Variants in ARHGEF4 observed in about 807,000 individuals in gnomAD.
The protein encoded by ARHGEF4 is APC-stimulated guanine nucleotide exchange factor 1.
ARHGEF4 carries 119 observed loss-of-function variants against 162.0 expected under a neutral mutation model. The ratio of observed to expected loss-of-function variants is 0.73; its 90% CI spans 0.63 to 0.86. The LOEUF (loss-of-function observed/expected upper bound fraction) is 0.86, where lower values mean the gene tolerates loss of function less well. Among genes scored for constraint, ARHGEF4 ranks in the 40% least tolerant of loss-of-function variants. ARHGEF4 has a pLI of 0.00. For synonymous variants in ARHGEF4, 1,014 were observed against 979.9 expected, an observed-to-expected ratio of 1.03 and a Z score of -0.65; for missense variants, 2,488 against 2,456.0, an observed-to-expected ratio of 1.01 and a Z score of -0.28.
At chr2:130,955,991 C>T (rs1684246042) in intron 4 of ARHGEF4, among the ~76,000 whole-genome samples, 1 of 152,200 alleles carries the variant, frequency 6.6e-6, no homozygotes, top group Non-Finnish European at 1.5e-5. Flanking sequence ...ACCTGCTTCC[C>T]CCAGGCAAAA....
Position 131,008,091 on chromosome 2 carries a change from G to A in ARHGEF4, c.3986-19854G>A, listed in dbSNP as rs192272456. Among the ~76,000 whole-genome samples, 232 of 152,146 alleles carry A rather than the reference G, an allele frequency of 1.5e-3. 1 individual carries two copies. The highest frequency in any genetic ancestry group is 5.1e-3 in the African/African-American group (213 of 41,524). On this transcript the variant is annotated intron_variant, in intron 4 of 13. Transcript: ENST00000409359. ...GGCTCCCAAAGTGTCAAGATTACAC[G>A]CATGAGCCACCACACCTGGCCCCTA...
At chr2:130,917,617 CCGTTACA>C in intron 2 of ARHGEF4, 119 bp downstream of exon 2, 2 of 1,302,536 alleles carry the variant, frequency 1.5e-6, no homozygotes, top group Non-Finnish European at 2.0e-6. Context: ...AAAATTGCCC[CCGTTACA>C]CTCCCAGCCG....
intron 1 of ARHGEF4, among the ~76,000 whole-genome samples, chr2:130,866,306 C>T (rs143086674): frequency 6.6e-6 from 1 of 152,254 alleles, no homozygotes; most frequent in African/African-American, 2.4e-5. Context: ...ATTGCTTGAA[C>T]CCGGGAAGCA....
At chr2:131,041,529 A>G in intron 9 of ARHGEF4, 67 bp downstream of exon 9, 2 of 1,497,868 alleles carry the variant, frequency 1.3e-6, no homozygotes, top group Non-Finnish European at 1.8e-6. Context: ...CAGTTTGAGC[A>G]TTAGCAGTGT....
chr2:130,941,208 T>TG (rs1683277184), intron 3 of ARHGEF4, among the ~76,000 whole-genome samples: 2 of 36,180 alleles, frequency 5.5e-5, no homozygotes, highest in Non-Finnish European at 9.6e-5. Context: ...AATCCATTTA[T>TG]AATTTTTTTT....
At chr2:130,853,200 T>G (rs1301412978) in intron 1 of ARHGEF4, among the ~76,000 whole-genome samples, 1 of 152,188 alleles carries the variant, frequency 6.6e-6, no homozygotes, top group Non-Finnish European at 1.5e-5. Context: ...ATCTGCATGA[T>G]GATTCACAGT....
chr2:130,970,626 G>A (rs185943415), intron 4 of ARHGEF4, among the ~76,000 whole-genome samples: 26 of 150,748 alleles, frequency 1.7e-4, no homozygotes, highest in Admixed American at 1.6e-3. Context: ...CATCTATTAG[G>A]TATGTAGTAT....
At chr2:130,971,811 G>A (rs765450194) in intron 4 of ARHGEF4, among the ~76,000 whole-genome samples, 3 of 152,274 alleles carry the variant, frequency 2.0e-5, no homozygotes, top group Middle Eastern at 3.4e-3. Context: ...CATCTGAGGC[G>A]AGGCGGCCAC....
intron 4 of ARHGEF4, among the ~76,000 whole-genome samples, chr2:130,998,656 T>C (rs1316429766): frequency 1.3e-5 from 2 of 152,222 alleles, no homozygotes; most frequent in African/African-American, 2.4e-5. Flanking sequence ...AGCTCCTTTT[T>C]CTCTCTTGCT....
At chr2:130,838,707 G>C (rs922813405) in intron 1 of ARHGEF4, among the ~76,000 whole-genome samples, 1 of 152,240 alleles carries the variant, frequency 6.6e-6, no homozygotes, top group Non-Finnish European at 1.5e-5. Flanking sequence ...GAAGTGGTGA[G>C]CCCTGGACCT....
intron 5 of ARHGEF4, chr2:131,035,213 T>A (rs1021591395): frequency 1.1e-5 from 14 of 1,224,506 alleles, no homozygotes; most frequent in Non-Finnish European, 1.2e-5. Context: ...GTGCTGGCGC[T>A]CCTGGTTCTC....
intron 8 of ARHGEF4, among the ~76,000 whole-genome samples, chr2:131,040,770 G>A (rs1306003046): frequency 1.3e-5 from 2 of 152,114 alleles, no homozygotes; most frequent in East Asian, 3.9e-4. Flanking sequence ...TCTCACACAG[G>A]GAGAATTTAC....
chr2:131,022,812 A>G (rs1275086205), intron 4 of ARHGEF4, among the ~76,000 whole-genome samples: 1 of 152,124 alleles, frequency 6.6e-6, no homozygotes, highest in African/African-American at 2.4e-5. Context: ...TAAAAGGAAA[A>G]TTTGAGAAAT....
intron 1 of ARHGEF4, among the ~76,000 whole-genome samples, chr2:130,877,892 G>C (rs1678957037): frequency 6.6e-6 from 1 of 152,148 alleles, no homozygotes; most frequent in Non-Finnish European, 1.5e-5. Flanking sequence ...GCTTTAACCA[G>C]TGTATCACCA....
At chr2:130,925,961 G>A (rs567572106) in intron 2 of ARHGEF4, among the ~76,000 whole-genome samples, 7 of 151,858 alleles carry the variant, frequency 4.6e-5, no homozygotes, top group Non-Finnish European at 1.0e-4. Flanking sequence ...TCTAGTGTTT[G>A]ATCTTTCTTT....
At chr2:131,022,161 T>C (rs1409694951) in intron 4 of ARHGEF4, among the ~76,000 whole-genome samples, 2 of 152,216 alleles carry the variant, frequency 1.3e-5, no homozygotes, top group Non-Finnish European at 1.5e-5. Flanking sequence ...AGTGATGTTA[T>C]AGAATGAGTT....
intron 1 of ARHGEF4, among the ~76,000 whole-genome samples, chr2:130,894,646 T>C (rs1680052162): frequency 6.7e-6 from 1 of 149,378 alleles, no homozygotes; most frequent in South Asian, 2.1e-4. Context: ...TTTCTACTTT[T>C]TTAAAAAAGC....
At chr2:131,021,228 T>C (rs1469328343) in intron 4 of ARHGEF4, among the ~76,000 whole-genome samples, 1 of 152,154 alleles carries the variant, frequency 6.6e-6, no homozygotes, top group Non-Finnish European at 1.5e-5. Context: ...GACTTCAAAC[T>C]ATACTACAAG....
intron 4 of ARHGEF4, among the ~76,000 whole-genome samples, chr2:131,017,373 G>A (rs558727092): frequency 1.3e-5 from 2 of 152,194 alleles, no homozygotes; most frequent in East Asian, 3.9e-4. Flanking sequence ...TCAACCTTCC[G>A]TTCATGCAGT....
Sources: allele counts gnomAD v4.1 joint callset (sites outside exome capture counted in the v4.1 genomes callset), GRCh38; gene constraint gnomAD v4.1.1; transcripts MANE v1.5; gene names NCBI Gene and HGNC (gene_info 2026-07-23, HGNC 2026-07-21).